Variants in SUSD6 observed in about 807,000 individuals in gnomAD.
SUSD6 encodes sushi domain containing 6.
Under a neutral mutation model 28.4 loss-of-function variants are expected in SUSD6, and 16 were observed. The observed-to-expected ratio is 0.56, with a 90% CI of 0.38 to 0.86. The LOEUF is 0.86. SUSD6 is among the 40% of genes least tolerant of loss of function. SUSD6 has a pLI of 0.00. For synonymous variants in SUSD6, 147 were observed against 159.6 expected (o/e 0.92, Z 0.59); for missense variants, 341 against 384.2 (o/e 0.89, Z 0.94).
At chr14:69,701,206 A>ATT (rs1394309145) in intron 2 of SUSD6, among the ~76,000 whole-genome samples, 3 of 147,374 alleles carry the variant, frequency 2.0e-5, no homozygotes, top group African/African-American at 7.6e-5. Flanking sequence ...TGCAGTCCTC[A>ATT]CTTTTTTTTT....
intron 1 of SUSD6, among the ~76,000 whole-genome samples, chr14:69,643,995 C>T (rs1299043627): frequency 1.3e-5 from 2 of 152,152 alleles, no homozygotes; most frequent in African/African-American, 4.8e-5. Context: ...TGGACTCCAG[C>T]TTATCTTCCT....
rs1168188818 is a variant in SUSD6, at chr14:69,617,621, TAA to T, written c.-81+5795_-81+5796del. The T allele has an allele frequency of 2.0e-5, 3 of 152,332 alleles. No individual in the cohort carries two copies. In the East Asian group the frequency reaches 5.8e-4, roughly 29 times the overall value. 9.4% of individuals were successfully genotyped at this position (152,332 alleles called of 1,614,324 possible). ...CACATGTACTGCTGCTTTAAACAAA[TAA>T]AGAGGATTTTCAATGCGAAGCCTCA... On this transcript the variant is annotated intron_variant, in intron 1 of 5. Coordinates refer to ENST00000342745, the MANE Select transcript of SUSD6 (RefSeq NM_014734.4).
At chr14:69,647,828 T>TA (rs1241230662) in intron 1 of SUSD6, among the ~76,000 whole-genome samples, 4 of 151,796 alleles carry the variant, frequency 2.6e-5, no homozygotes, top group Non-Finnish European at 5.9e-5. Context: ...CTACTGAAAA[T>TA]ACAAAAATTA....
rs545145834 is a variant in SUSD6 at position 69,626,248 on chromosome 14, C to T, written c.-81+14420C>T. Among the ~76,000 whole-genome samples the T allele has an allele frequency of 1.7e-4, 26 of 152,360 alleles. No homozygotes were observed. The South Asian group carries it at 4.6e-3, about 27-fold the overall frequency. ...CCCACCTTCCCACCTTGGGTTTTTA[C>T]AGTATACTTCTTATCCTTGCCCTTT... On this transcript the variant is annotated intron_variant, in intron 1 of 5. Coordinates refer to ENST00000342745, the MANE Select transcript of SUSD6 (RefSeq NM_014734.4).
chr14:69,659,428 T>A (rs1193366103), intron 2 of SUSD6, among the ~76,000 whole-genome samples: 4 of 152,218 alleles, frequency 2.6e-5, no homozygotes, highest in Non-Finnish European at 4.4e-5. Context: ...AATGCTTTGA[T>A]GATTCTAAGG....
intron 2 of SUSD6, among the ~76,000 whole-genome samples, chr14:69,670,147 G>A (rs910865175): frequency 1.3e-5 from 2 of 152,192 alleles, no homozygotes; most frequent in African/African-American, 2.4e-5. Context: ...GTGGGCAGGA[G>A]CTATGTAATG....
intron 1 of SUSD6, among the ~76,000 whole-genome samples, chr14:69,634,442 C>T (rs1480886150): frequency 1.3e-5 from 2 of 152,302 alleles, no homozygotes; most frequent in African/African-American, 4.8e-5. Flanking sequence ...ATAGTAGAAT[C>T]TTGCATGAAA....
intron 2 of SUSD6, among the ~76,000 whole-genome samples, chr14:69,662,482 T>C (rs928758590): frequency 2.6e-5 from 4 of 152,240 alleles, no homozygotes; most frequent in Admixed American, 2.0e-4. Flanking sequence ...TTTGCAGTTA[T>C]AGCAGAAAAG....
chr14:69,709,240 A>G, intron 5 of SUSD6, 136 bp downstream of exon 5: 1 of 822,374 alleles, frequency 1.2e-6, no homozygotes, highest in South Asian at 2.0e-5. Context: ...TTTGCCTACA[A>G]AATAGAATTT....
At chr14:69,704,147 A>C (rs570384585) in intron 3 of SUSD6, among the ~76,000 whole-genome samples, 1 of 152,214 alleles carries the variant, frequency 6.6e-6, no homozygotes, top group Non-Finnish European at 1.5e-5. Flanking sequence ...GAGAGTTACA[A>C]TTAAAGCTGT....
At chr14:69,632,272 A>G (rs2139597712) in intron 1 of SUSD6, among the ~76,000 whole-genome samples, 1 of 152,106 alleles carries the variant, frequency 6.6e-6, no homozygotes, top group East Asian at 1.9e-4. Flanking sequence ...CAGAGTGGCC[A>G]GGTGGAGGGG....
chr14:69,636,609 G>T (rs1294929855), intron 1 of SUSD6, among the ~76,000 whole-genome samples: 1 of 152,220 alleles, frequency 6.6e-6, no homozygotes, highest in East Asian at 1.9e-4. Flanking sequence ...CTCCGGTACT[G>T]CCATGTGTGC....
chr14:69,678,947 T>A (rs538762109), intron 2 of SUSD6, among the ~76,000 whole-genome samples: 1 of 152,360 alleles, frequency 6.6e-6, no homozygotes, highest in Non-Finnish European at 1.5e-5. Context: ...TTGTTGGAAA[T>A]GCACTTCAAC....
chr14:69,709,037 A>G lies in SUSD6; in HGVS notation c.819A>G (p.Glu273=). 6.2e-7 allele frequency: 1 copy of G among 1,613,948 alleles called. No individual in the cohort carries two copies. The highest frequency in any genetic ancestry group is 8.5e-7 in the Non-Finnish European group (1 of 1,180,000). Residue 273 remains glutamate (E), a synonymous_variant, in exon 5 of 6, where the codon GAA becomes GAG. Transcript: ENST00000342745. Reference sequence around the variant, plus strand: ...GGAACCGCCAACTGGCACACAAAGAAACTGCAGATTCAGAGAACAGTGACA... The same window carrying G: ...GGAACCGCCAACTGGCACACAAAGAGACTGCAGATTCAGAGAACAGTGACA... The part of the protein sequence containing the change: ...GSGNRQLAHK[E]TADSENSDIQ...
chr14:69,672,566 G>A (rs900322873), intron 2 of SUSD6, among the ~76,000 whole-genome samples: 1 of 152,200 alleles, frequency 6.6e-6, no homozygotes, highest in African/African-American at 2.4e-5. Context: ...TGAGATGCCA[G>A]GTTCTGCATC....
chr14:69,687,077 C>T (rs1227268727), intron 2 of SUSD6, among the ~76,000 whole-genome samples: 3 of 152,140 alleles, frequency 2.0e-5, no homozygotes, highest in African/African-American at 7.2e-5. Flanking sequence ...TGGGTTCAGG[C>T]GAGTCTCCTG....
intron 1 of SUSD6, among the ~76,000 whole-genome samples, chr14:69,635,466 G>T (rs11158811): frequency 6.6e-6 from 1 of 152,232 alleles, no homozygotes; most frequent in Non-Finnish European, 1.5e-5. Flanking sequence ...AACAAGTTCT[G>T]TCAAACAGTG....
intron 2 of SUSD6, among the ~76,000 whole-genome samples, chr14:69,669,062 C>CTT (rs58962166): frequency 1.6e-3 from 123 of 77,978 alleles, no homozygotes; most frequent in African/African-American, 5.3e-3. Context: ...CTTTTCTTTT[C>CTT]TTTTTTTTTT....
chr14:69,688,564 A>C (rs1375436951), intron 2 of SUSD6, among the ~76,000 whole-genome samples: 1 of 152,208 alleles, frequency 6.6e-6, no homozygotes, highest in Non-Finnish European at 1.5e-5. Flanking sequence ...AACTGACCAC[A>C]AGATATCTTT....
Sources: allele counts gnomAD v4.1 joint callset (sites outside exome capture counted in the v4.1 genomes callset), GRCh38; gene constraint gnomAD v4.1.1; transcripts MANE v1.5; gene names NCBI Gene and HGNC (gene_info 2026-07-23, HGNC 2026-07-21).